The following TANC1 variants were observed in gnomAD, a reference collection of about 807,000 sequenced individuals.
TANC1 encodes protein TANC1.
In TANC1, 77 loss-of-function variants were observed where a neutral mutation model predicts 149.7. That is an observed-to-expected ratio of 0.51 (90% CI 0.43 to 0.62). The LOEUF (loss-of-function observed/expected upper bound fraction) is 0.62. Among genes scored for constraint, TANC1 ranks in the 20% least tolerant of loss-of-function variants. The probability of loss-of-function intolerance (pLI) is 0.00; values close to 1 mark genes in which losing one functional copy is unlikely to be tolerated. For missense variants in TANC1, 1,985 were observed against 2,321.8 expected (o/e 0.85, Z 2.98); for synonymous variants, 854 against 925.0 (o/e 0.92, Z 1.39).
At chr2:159,015,802 G>T (rs1264481471) in intron 2 of TANC1, among the ~76,000 whole-genome samples, 1 of 152,152 alleles carries the variant, frequency 6.6e-6, no homozygotes, top group Non-Finnish European at 1.5e-5. Flanking sequence ...AGTCACCTTT[G>T]CTCCAGTTCC....
intron 7 of TANC1, among the ~76,000 whole-genome samples, chr2:159,155,161 G>C (rs377295418): frequency 1.3e-5 from 2 of 152,140 alleles, no homozygotes; most frequent in African/African-American, 4.8e-5. Flanking sequence ...TGTACATATC[G>C]TGATAAAATT....
At chr2:159,015,309 CT>C (rs1340487786) in intron 2 of TANC1, among the ~76,000 whole-genome samples, 2 of 152,188 alleles carry the variant, frequency 1.3e-5, no homozygotes, top group Non-Finnish European at 2.9e-5. Flanking sequence ...ACGTTGGCCC[CT>C]TTCATTCATG....
At position 159,095,750 on chromosome 2, in the gene TANC1, A is replaced by T. The variant is rs972243802; in HGVS notation, c.62-1887A>T. Among the ~76,000 whole-genome samples, 14 of 151,678 alleles carry T rather than the reference A, an allele frequency of 9.2e-5. No homozygotes were observed. In the East Asian group the frequency reaches 1.4e-3, roughly 15 times the overall value. ...GACTGTCTCAAAAAAAAAAAAAAAA[A>T]AAAAAAGTAAGGCATGTACCTGTCC... On this transcript the variant is annotated intron_variant, in intron 3 of 26. Transcript: ENST00000263635.
chr2:159,192,363 G>A (rs1272144081), intron 16 of TANC1, among the ~76,000 whole-genome samples: 1 of 151,806 alleles, frequency 6.6e-6, no homozygotes. Flanking sequence ...TGCCCATGTT[G>A]GTCTCAAACT....
At chr2:159,046,424 T>C (rs72936458) in intron 2 of TANC1, among the ~76,000 whole-genome samples, 9,826 of 152,146 alleles carry the variant, frequency 0.065, 432 homozygotes, top group Middle Eastern at 0.11. Flanking sequence ...TTCGCCTCAA[T>C]AGAAACTGCC....
intron 4 of TANC1, among the ~76,000 whole-genome samples, chr2:159,106,076 C>T (rs1227008107): frequency 6.6e-6 from 1 of 151,898 alleles, no homozygotes; most frequent in Non-Finnish European, 1.5e-5. Context: ...TGTATTTTTC[C>T]ATTGTGATTT....
intron 17 of TANC1, 61 bp from the exon 18 acceptor site, chr2:159,196,547 A>T: frequency 1.4e-6 from 2 of 1,448,886 alleles, no homozygotes; most frequent in Non-Finnish European, 1.9e-6. Context: ...TAGGTGGTGC[A>T]TCTGCATGCT....
intron 9 of TANC1, among the ~76,000 whole-genome samples, chr2:159,169,991 CAA>C (rs558720895): frequency 1.4e-4 from 16 of 116,178 alleles, no homozygotes; most frequent in Non-Finnish European, 1.8e-4. Context: ...GAAACTATCT[CAA>C]AAAAAAAAAA....
intron 4 of TANC1, among the ~76,000 whole-genome samples, chr2:159,129,391 G>T (rs527340360): frequency 2.6e-5 from 4 of 152,126 alleles, no homozygotes; most frequent in Non-Finnish European, 2.9e-5. Flanking sequence ...AAAACTGGCC[G>T]CTGGGAAAGT....
At chr2:159,223,892 T>C (rs1396362331) in intron 22 of TANC1, among the ~76,000 whole-genome samples, 1 of 152,218 alleles carries the variant, frequency 6.6e-6, no homozygotes, top group African/African-American at 2.4e-5. Flanking sequence ...GTCTGCTGCC[T>C]ACTTCATTGG....
At chr2:159,130,885 A>G (rs1032634102) in intron 4 of TANC1, among the ~76,000 whole-genome samples, 3 of 152,060 alleles carry the variant, frequency 2.0e-5, no homozygotes, top group African/African-American at 7.2e-5. Flanking sequence ...GCTGTCTTTC[A>G]GGGTAGGTCT....
intron 2 of TANC1, among the ~76,000 whole-genome samples, chr2:159,004,574 G>GT (rs1295702342): frequency 6.6e-6 from 1 of 151,628 alleles, no homozygotes; most frequent in African/African-American, 2.4e-5. Flanking sequence ...TTAATTCCTG[G>GT]TTTTTTTGTT....
At chr2:158,976,324 C>T (rs373191097) in intron 1 of TANC1, among the ~76,000 whole-genome samples, 2 of 152,200 alleles carry the variant, frequency 1.3e-5, no homozygotes, top group African/African-American at 4.8e-5. Context: ...TGAGGGAAGA[C>T]TGGGCCTTTT....
intron 4 of TANC1, among the ~76,000 whole-genome samples, chr2:159,123,541 C>T (rs1184657052): frequency 6.6e-6 from 1 of 152,112 alleles, no homozygotes; most frequent in Non-Finnish European, 1.5e-5. Context: ...CATTCCTCCC[C>T]TTACTTCTGA....
At chr2:159,199,316 A>G (rs1190129099) in intron 19 of TANC1, among the ~76,000 whole-genome samples, 1 of 152,226 alleles carries the variant, frequency 6.6e-6, no homozygotes, top group Non-Finnish European at 1.5e-5. Context: ...TGAATGTCAG[A>G]TGGAAGTACC....
intron 25 of TANC1, 30 bp from the exon 26 acceptor site, chr2:159,228,766 T>C: frequency 6.5e-7 from 1 of 1,550,314 alleles, no homozygotes; most frequent in Non-Finnish European, 8.9e-7. Context: ...CCAGGCTGCT[T>C]CTGACTCCTG....
chr2:159,131,485 C>T (rs977296492), intron 4 of TANC1, among the ~76,000 whole-genome samples: 23 of 152,028 alleles, frequency 1.5e-4, no homozygotes, highest in Non-Finnish European at 5.9e-5. Context: ...GGCTCTGGCC[C>T]GGGCTGAGCC....
intron 3 of TANC1, among the ~76,000 whole-genome samples, chr2:159,078,929 T>C (rs2043967210): frequency 6.6e-6 from 1 of 152,216 alleles, no homozygotes; most frequent in African/African-American, 2.4e-5. Flanking sequence ...TTTAAAAAAC[T>C]TCAGGCATGA....
chr2:159,185,453 A>G (rs1340885703), intron 14 of TANC1, among the ~76,000 whole-genome samples: 1 of 152,226 alleles, frequency 6.6e-6, no homozygotes, highest in Non-Finnish European at 1.5e-5. Context: ...GCTGTCACCT[A>G]GCACGGCCTG....
Sources: gnomAD v4.1 joint callset for allele counts (sites outside exome capture counted in the v4.1 genomes callset) on GRCh38, gnomAD v4.1.1 for gene constraint, MANE v1.5 for transcripts, NCBI Gene and HGNC (gene_info 2026-07-23, HGNC 2026-07-21) for gene names.